SMYD3: variants seen among roughly 807,000 people sequenced by gnomAD.
SMYD3 encodes the protein SET and MYND domain containing 3, also known as histone-lysine N-methyltransferase SMYD3.
SMYD3 carries 36 observed loss-of-function variants against 57.7 expected under a neutral mutation model. The ratio of observed to expected loss-of-function variants is 0.62; its 90% confidence interval spans 0.48 to 0.82. The LOEUF (loss-of-function observed/expected upper bound fraction) is 0.82. Ranked by LOEUF, SMYD3 falls within the 40% of genes least tolerant of loss-of-function variation. The pLI is 0.00. For synonymous variants in SMYD3, 211 were observed against 195.0 expected (o/e 1.08, Z -0.68); for missense variants, 515 against 538.8 (o/e 0.96, Z 0.44).
chr1:246,053,331 T>A (rs928790700), intron 5 of SMYD3, among the ~76,000 whole-genome samples: 11 of 152,076 alleles, frequency 7.2e-5, no homozygotes, highest in Non-Finnish European at 1.6e-4. Flanking sequence ...AACAAGCTGA[T>A]TAAAAAATGT....
intron 5 of SMYD3, among the ~76,000 whole-genome samples, chr1:245,991,091 T>G (rs1027990073): frequency 1.6e-4 from 24 of 152,228 alleles, no homozygotes; most frequent in African/African-American, 5.8e-4. Flanking sequence ...TCCTCTTATA[T>G]TCACAAAAGA....
rs145264911 is a variant in SMYD3, at chr1:246,090,769, C to T, written c.532-160832G>A. The stretch of plus-strand genomic sequence containing the variant: ...CTGACCTCAGGATACACCCGCCCTC[C>T]GCCTCCCAAAGCGCTGGGATTACAG... On this transcript the variant is annotated intron_variant, in intron 5 of 11. Transcript: ENST00000490107. Among the ~76,000 whole-genome samples, 455 of 152,136 alleles carry T rather than the reference C, an allele frequency of 3.0e-3. 3 individuals are homozygous for T. Among genetic ancestry groups the T allele is most frequent in the African/African-American group, 0.01 (422 of 41,526 alleles).
At chr1:246,394,666 G>C (rs900625626) in intron 1 of SMYD3, among the ~76,000 whole-genome samples, 1 of 152,152 alleles carries the variant, frequency 6.6e-6, no homozygotes, top group Non-Finnish European at 1.5e-5. Context: ...TTTATTATAT[G>C]AGAGCCTCCC....
intron 8 of SMYD3, among the ~76,000 whole-genome samples, chr1:245,897,783 C>A (rs965803106): frequency 6.6e-6 from 1 of 151,894 alleles, no homozygotes; most frequent in African/African-American, 2.4e-5. Context: ...GCCTGTAATC[C>A]CAGCTATTCA....
intron 5 of SMYD3, among the ~76,000 whole-genome samples, chr1:246,237,659 A>C (rs964695044): frequency 6.6e-6 from 1 of 152,206 alleles, no homozygotes; most frequent in African/African-American, 2.4e-5. Flanking sequence ...GTAAACCTCT[A>C]GTATGCACAG....
At chr1:246,329,657 T>TGGTA (rs1406382079) in intron 4 of SMYD3, among the ~76,000 whole-genome samples, 1 of 152,208 alleles carries the variant, frequency 6.6e-6, no homozygotes, top group Non-Finnish European at 1.5e-5. Flanking sequence ...TTCACTCTGA[T>TGGTA]GGTAGTTTCT....
At chr1:245,894,279 ACCCTGTAAAATGAACCTATCAG>A in intron 8 of SMYD3, among the ~76,000 whole-genome samples, 1 of 170 alleles carries the variant, frequency 5.9e-3, no homozygotes, top group South Asian at 0.17. Context: ...ACCAATCAGC[ACCCTGTAAAATGAACCTATCAG>A]CACTCTGTAA....
At chr1:245,795,787 C>G (rs2047496726) in intron 10 of SMYD3, among the ~76,000 whole-genome samples, 1 of 152,192 alleles carries the variant, frequency 6.6e-6, no homozygotes, top group African/African-American at 2.4e-5. Context: ...GAGCCAAGCA[C>G]TGAACGCTCT....
At chr1:246,274,553 C>A (rs12085994) in intron 5 of SMYD3, among the ~76,000 whole-genome samples, 51,250 of 151,994 alleles carry the variant, frequency 0.34, 9,507 homozygotes, top group East Asian at 0.72. Context: ...TATATAACTA[C>A]AACATAGAAC....
chr1:246,465,912 C>T (rs1006614858), intron 1 of SMYD3, among the ~76,000 whole-genome samples: 2 of 152,172 alleles, frequency 1.3e-5, no homozygotes, highest in African/African-American at 4.8e-5. Context: ...GCTGGGATTA[C>T]AGGCAAGCAC....
intron 1 of SMYD3, among the ~76,000 whole-genome samples, chr1:246,408,357 C>T (rs529066325): frequency 4.9e-4 from 74 of 151,948 alleles, no homozygotes; most frequent in African/African-American, 1.7e-3. Context: ...TGTGTGTGTG[C>T]GTGCATGTGC....
At chr1:245,826,103 A>T (rs1437777955) in intron 10 of SMYD3, among the ~76,000 whole-genome samples, 2 of 151,072 alleles carry the variant, frequency 1.3e-5, no homozygotes, top group Non-Finnish European at 2.9e-5. Flanking sequence ...TAAGGTGTAC[A>T]GTTCAGTACT....
chr1:246,253,729 G>A (rs2063832896), intron 5 of SMYD3, among the ~76,000 whole-genome samples: 1 of 152,190 alleles, frequency 6.6e-6, no homozygotes, highest in Admixed American at 6.5e-5. Flanking sequence ...CTGCAAATGA[G>A]ACTGGATTCA....
chr1:246,236,650 G>A (rs1237673817), intron 5 of SMYD3, among the ~76,000 whole-genome samples: 1 of 151,876 alleles, frequency 6.6e-6, no homozygotes, highest in Non-Finnish European at 1.5e-5. Flanking sequence ...TCCTGACCTC[G>A]TGATCCACCC....
At chr1:246,487,122 T>TA (rs1366356944) in intron 1 of SMYD3, among the ~76,000 whole-genome samples, 12 of 151,910 alleles carry the variant, frequency 7.9e-5, no homozygotes, top group Non-Finnish European at 8.8e-5. Flanking sequence ...CCAGAGGAGG[T>TA]AAAAAAAGTA....
At chr1:245,949,213 C>A (rs2057531628) in intron 5 of SMYD3, among the ~76,000 whole-genome samples, 1 of 152,188 alleles carries the variant, frequency 6.6e-6, no homozygotes. Flanking sequence ...AGCACCCAAG[C>A]AAGCCAACTG....
At chr1:246,042,608 T>C (rs971340579) in intron 5 of SMYD3, among the ~76,000 whole-genome samples, 9 of 152,196 alleles carry the variant, frequency 5.9e-5, no homozygotes, top group Admixed American at 3.9e-4. Context: ...GTTCAGAATA[T>C]TTCTCCCTGA....
At chr1:246,256,180 G>A (rs750085519) in intron 5 of SMYD3, among the ~76,000 whole-genome samples, 9 of 152,126 alleles carry the variant, frequency 5.9e-5, no homozygotes, top group Admixed American at 5.2e-4. Context: ...CATCCAGCAT[G>A]GGAGAAAGAT....
At chr1:246,425,076 T>C (rs1023771651) in intron 1 of SMYD3, among the ~76,000 whole-genome samples, 6 of 152,206 alleles carry the variant, frequency 3.9e-5, no homozygotes, top group Non-Finnish European at 5.9e-5. Flanking sequence ...CCATTTATCC[T>C]ACTTGATTCT....
Sources: allele counts gnomAD v4.1 joint callset (sites outside exome capture counted in the v4.1 genomes callset), GRCh38; gene constraint gnomAD v4.1.1; transcripts MANE v1.5; gene names NCBI Gene and HGNC (gene_info 2026-07-23, HGNC 2026-07-21).